The following GID4 variants were observed in gnomAD, a reference collection of about 807,000 sequenced individuals.
The protein encoded by GID4 is GID complex subunit 4 homolog, also known as glucose-induced degradation protein 4 homolog.
In GID4, 7 loss-of-function variants were observed where a neutral mutation model predicts 32.4. The observed-to-expected ratio is 0.22, with a 90% CI of 0.12 to 0.41. The LOEUF is 0.41. GID4 is among the 10% of genes least tolerant of loss of function. The pLI is 1.00. For missense variants in GID4, 309 were observed against 400.0 expected (o/e 0.77, Z 1.94); for synonymous variants, 166 against 170.0 (o/e 0.98, Z 0.18).
At chr17:18,050,105 C>T (rs1567586081) in intron 2 of GID4, among the ~76,000 whole-genome samples, 1 of 152,160 alleles carries the variant, frequency 6.6e-6, no homozygotes, top group Non-Finnish European at 1.5e-5. Flanking sequence ...ATATATACCA[C>T]GTTTTCTTTA....
intron 1 of GID4, among the ~76,000 whole-genome samples, chr17:18,043,099 A>T (rs543651427): frequency 6.6e-6 from 1 of 152,164 alleles, no homozygotes; most frequent in African/African-American, 2.4e-5. Context: ...TGAAAGGAAT[A>T]TTTAAAAGAA....
chr17:18,044,796 A>G (rs2044836696), intron 1 of GID4, among the ~76,000 whole-genome samples: 1 of 152,234 alleles, frequency 6.6e-6, no homozygotes. Flanking sequence ...GTACAGGCAG[A>G]GACAGAGGCC....
intron 1 of GID4, among the ~76,000 whole-genome samples, chr17:18,041,565 T>C (rs1162505380): frequency 6.6e-6 from 1 of 152,012 alleles, no homozygotes; most frequent in Non-Finnish European, 1.5e-5. Context: ...GATCCTCTTC[T>C]TAAAATGTGA....
At chr17:18,047,761 C>G (rs2044868909) in intron 2 of GID4, among the ~76,000 whole-genome samples, 1 of 152,118 alleles carries the variant, frequency 6.6e-6, no homozygotes, top group African/African-American at 2.4e-5. Context: ...CCTGCTCAGG[C>G]CTTAGATGTA....
intron 2 of GID4, among the ~76,000 whole-genome samples, chr17:18,046,656 T>A (rs2044855951): frequency 6.6e-6 from 1 of 151,306 alleles, no homozygotes; most frequent in Non-Finnish European, 1.5e-5. Flanking sequence ...GCGTGGTGGC[T>A]CACACCTGTA....
In GID4 at chr17:18,061,782, A is replaced by AG; in HGVS notation, c.709-60dup. Reference sequence around the variant, plus strand: ...TCCTTAGAACCCCCTGATGCTTAACAGGGAGGCCCCGTGGGTGGTCAGAGA... The same window carrying AG: ...TCCTTAGAACCCCCTGATGCTTAACAGGGGAGGCCCCGTGGGTGGTCAGAGA... On this transcript the variant is annotated intron_variant, in intron 4 of 5. Transcript: ENST00000268719. The surrounding 1 kb of genome is among the most constrained non-coding windows in gnomAD (Gnocchi z 4.4). The AG allele has an allele frequency of 6.5e-7, 1 of 1,546,822 alleles. No homozygotes were observed.
chr17:18,063,230 T>C (rs1436351707), intron 5 of GID4, among the ~76,000 whole-genome samples: 3 of 151,796 alleles, frequency 2.0e-5, no homozygotes, highest in African/African-American at 4.8e-5. Flanking sequence ...GCCAATATGG[T>C]GAAACCCCGT....
At chr17:18,049,754 C>G (rs2044892372) in intron 2 of GID4, among the ~76,000 whole-genome samples, 1 of 152,008 alleles carries the variant, frequency 6.6e-6, no homozygotes, top group Admixed American at 6.6e-5. Flanking sequence ...TTCTCCTGCT[C>G]AGCTTCCCAG....
chr17:18,049,068 G>T (rs1385474218), intron 2 of GID4, among the ~76,000 whole-genome samples: 1 of 151,996 alleles, frequency 6.6e-6, no homozygotes, highest in Admixed American at 6.6e-5. Context: ...AGGCACAGTG[G>T]CTCATGCCTG....
chr17:18,061,983 C>A lies in GID4; in HGVS notation c.839+8C>A. On this transcript the variant is annotated splice_region_variant and intron_variant, in intron 5 of 5. Coordinates refer to ENST00000268719, the MANE Select transcript of GID4 (RefSeq NM_024052.5). This position sits in a 1 kb window ranked among gnomAD's most constrained non-coding sequence, Gnocchi z 4.4. ...CCATAGGAGTTCAGAATGGTGAGGA[C>A]CTCTGAGGACAGAGGCCACGGGGAG... The A allele has an allele frequency of 6.2e-7, 1 of 1,613,028 alleles. No homozygotes were observed. Among genetic ancestry groups the A allele is most frequent in the Middle Eastern group, 1.7e-4 (1 of 6,020 alleles).
chr17:18,063,370 A>G (rs916790229), intron 5 of GID4, among the ~76,000 whole-genome samples: 1 of 152,064 alleles, frequency 6.6e-6, no homozygotes, highest in Non-Finnish European at 1.5e-5. Flanking sequence ...AGATTGCACC[A>G]CTGCACTCCA....
In GID4 at chr17:18,067,297, T is replaced by C. The variant is rs2045073509; in HGVS notation, c.*2054T>C. 6.6e-6 allele frequency: 1 copy of C among 152,336 alleles called. No individual in the cohort carries two copies. Among genetic ancestry groups the C allele is most frequent in the Admixed American group, 6.5e-5 (1 of 15,284 alleles). The allele number at this position is 152,336 out of a possible 1,614,324, so 9.4% of individuals were successfully genotyped here. On this transcript the variant is annotated 3_prime_UTR_variant, in exon 6 of 6. Transcript: ENST00000268719. ...CTTGGAGCACTGAGTCCGGAGGTCA[T>C]CCCTGAGCTCATCCACGGCTCATGC...
intron 3 of GID4, among the ~76,000 whole-genome samples, chr17:18,054,939 A>G (rs2044950634): frequency 6.6e-6 from 1 of 152,130 alleles, no homozygotes; most frequent in African/African-American, 2.4e-5. Context: ...TGGGAGGCCG[A>G]GGCGGGCGGA....
At position 18,061,700 on chromosome 17, in the gene GID4, C is replaced by T; in HGVS notation, c.709-145C>T. The T allele has an allele frequency of 5.3e-6, 4 of 750,276 alleles. No homozygotes were observed. Among genetic ancestry groups the T allele is most frequent in the Admixed American group, 2.3e-5 (1 of 43,860 alleles). The allele number at this position is 750,276 out of a possible 1,614,324, so 46.5% of individuals were successfully genotyped here. Reference sequence around the variant, plus strand: ...AAGTCAGGCTGAGACCCCACGGGCCCGCCATCACCCAGCAAGTCTAGGTTA... The same window carrying T: ...AAGTCAGGCTGAGACCCCACGGGCCTGCCATCACCCAGCAAGTCTAGGTTA... On this transcript the variant is annotated intron_variant, in intron 4 of 5. Coordinates refer to ENST00000268719, the MANE Select transcript of GID4 (RefSeq NM_024052.5). This position sits in a 1 kb window ranked among gnomAD's most constrained non-coding sequence, Gnocchi z 4.4.
chr17:18,055,724 A>G (rs750791614), intron 3 of GID4, among the ~76,000 whole-genome samples: 4 of 152,022 alleles, frequency 2.6e-5, no homozygotes, highest in Admixed American at 6.6e-5. Flanking sequence ...TCATGATCTT[A>G]AGTGATCCTC....
At chr17:18,064,810 A>C (rs561625409) in intron 5 of GID4, among the ~76,000 whole-genome samples, 1 of 152,362 alleles carries the variant, frequency 6.6e-6, no homozygotes, top group Middle Eastern at 3.4e-3. Context: ...TTAGGATATG[A>C]GAGCCTGGCA....
At position 18,061,839 on chromosome 17, in the gene GID4, G is replaced by C. The variant is rs1048572223; in HGVS notation, c.709-6G>C. On this transcript the variant is annotated splice_polypyrimidine_tract_variant and splice_region_variant and intron_variant, in intron 4 of 5. Transcript: ENST00000268719. The surrounding 1 kb of genome is among the most constrained non-coding windows in gnomAD (Gnocchi z 4.4). Reference sequence around the variant, plus strand: ...TCTGTTACTGACCCTCTTCATCTGTGTGCAGGAACAGTTTCTGGTCCCAGA... The same window carrying C: ...TCTGTTACTGACCCTCTTCATCTGTCTGCAGGAACAGTTTCTGGTCCCAGA... 6 of 1,613,864 alleles carry C rather than the reference G, an allele frequency of 3.7e-6. No individual in the cohort carries two copies. Among genetic ancestry groups the C allele is most frequent in the Non-Finnish European group, 2.5e-6 (3 of 1,179,962 alleles).
At chr17:18,054,985 C>CA (rs2044951262) in intron 3 of GID4, among the ~76,000 whole-genome samples, 1 of 152,062 alleles carries the variant, frequency 6.6e-6, no homozygotes, top group African/African-American at 2.4e-5. Flanking sequence ...TCCTGGCTAA[C>CA]ACGGTGAAAC....
rs750448553 is a variant in GID4, at chr17:18,061,997, G to A, written c.839+22G>A. 3 of 1,611,496 alleles carry A rather than the reference G, an allele frequency of 1.9e-6. No individual in the cohort carries two copies. Among genetic ancestry groups the A allele is most frequent in the Non-Finnish European group, 1.7e-6 (2 of 1,179,332 alleles). The stretch of plus-strand genomic sequence containing the variant: ...AATGGTGAGGACCTCTGAGGACAGA[G>A]GCCACGGGGAGGGCTTGCTGCCCAG... On this transcript the variant is annotated intron_variant, in intron 5 of 5. Coordinates refer to ENST00000268719, the MANE Select transcript of GID4 (RefSeq NM_024052.5). The surrounding 1 kb of genome is among the most constrained non-coding windows in gnomAD (Gnocchi z 4.4).
Sources: allele counts gnomAD v4.1 joint callset (sites outside exome capture counted in the v4.1 genomes callset), GRCh38; gene constraint gnomAD v4.1.1; non-coding constraint Gnocchi (gnomAD v3.1); transcripts MANE v1.5; gene names NCBI Gene and HGNC (gene_info 2026-07-23, HGNC 2026-07-21).